SMU1: variants seen among roughly 807,000 people sequenced by gnomAD.
SMU1 encodes SMU1 DNA replication regulator and spliceosomal factor.
A neutral mutation model predicts 62.0 loss-of-function variants in SMU1; 2 were observed. The ratio of observed to expected loss-of-function variants is 0.03; its 90% CI spans 0.01 to 0.10. SMU1 has a LOEUF of 0.10. Ranked by LOEUF, SMU1 falls within the 10% of genes least tolerant of loss-of-function variation. SMU1 has a pLI of 1.00. For missense variants in SMU1, 227 were observed against 622.1 expected (o/e 0.36, Z 6.76); for synonymous variants, 188 against 212.4 (o/e 0.89, Z 1.00).
intron 1 of SMU1, 27 bp downstream of exon 1, chr9:33,076,556 C>T: frequency 6.2e-7 from 1 of 1,613,412 alleles, no homozygotes; most frequent in South Asian, 1.1e-5. Flanking sequence ...CCCGGCAAGG[C>T]GCGAACATCC....
At position 33,053,174 on chromosome 9, in the gene SMU1, A is replaced by G. The variant is rs1490332061; in HGVS notation, c.1239T>C (p.Phe413=). 2.5e-6 allele frequency: 4 copies of G among 1,612,270 alleles called. No individual in the cohort carries two copies. The highest frequency in any genetic ancestry group is 3.4e-6 in the Non-Finnish European group (4 of 1,180,018). ...CCGTGTTTGATCTGTTGCACACCAC[A>G]AAGTGCTCAGGGTTTTTAGGAAGTA... ...VILLPKNPEH[F]VVCNRSNTVV... is the part of the protein sequence containing the mutation. Residue 413 remains phenylalanine, a synonymous_variant, in exon 10 of 12, where the codon TTT becomes TTC. Transcript: ENST00000397149.
intron 1 of SMU1, 67 bp downstream of exon 1, chr9:33,076,516 C>T: frequency 2.5e-6 from 4 of 1,596,732 alleles, no homozygotes; most frequent in Non-Finnish European, 3.4e-6. Flanking sequence ...TCCCGAGTAC[C>T]CTCCGCCCCA....
At chr9:33,068,467 T>A (rs1421069319) in intron 4 of SMU1, among the ~76,000 whole-genome samples, 1 of 152,154 alleles carries the variant, frequency 6.6e-6, no homozygotes, top group African/African-American at 2.4e-5. Context: ...ACATAGTTTA[T>A]ACATAGGAAA....
At chr9:33,063,765 T>C (rs1251347366) in intron 4 of SMU1, among the ~76,000 whole-genome samples, 2 of 151,448 alleles carry the variant, frequency 1.3e-5, no homozygotes, top group African/African-American at 4.9e-5. Flanking sequence ...GATGGAAGAG[T>C]TTCATCCCAA....
At chr9:33,072,727 G>A (rs986173914) in intron 2 of SMU1, among the ~76,000 whole-genome samples, 2 of 151,658 alleles carry the variant, frequency 1.3e-5, no homozygotes, top group African/African-American at 4.8e-5. Flanking sequence ...TACTCGGGAG[G>A]CTGAGGCAGG....
At chr9:33,064,505 T>C (rs1839397367) in intron 4 of SMU1, among the ~76,000 whole-genome samples, 1 of 152,194 alleles carries the variant, frequency 6.6e-6, no homozygotes, top group South Asian at 2.1e-4. Context: ...CATCATATAC[T>C]AAATGTATTT....
chr9:33,066,665 G>A lies in SMU1; in HGVS notation c.501+2159C>T, dbSNP rs191612107. On this transcript the variant is annotated intron_variant, in intron 4 of 11. Coordinates refer to ENST00000397149, the MANE Select transcript of SMU1 (RefSeq NM_018225.3). The stretch of plus-strand genomic sequence containing the variant: ...TACTAAAAATACAAAAATTAGCTGG[G>A]CATGGTGGTGGGCACCTGTGGTCCC... 2.6e-5 allele frequency among the ~76,000 whole-genome samples: 4 copies of A among 152,188 alleles called. No individual in the cohort carries two copies. The East Asian group carries it at 7.7e-4, about 29-fold the overall frequency.
rs922703103 is a variant in SMU1, at chr9:33,042,230, T to G, written c.*5063A>C. On this transcript the variant is annotated 3_prime_UTR_variant, in exon 12 of 12. Transcript: ENST00000397149. ...CCTGAAGAGGCAGAAACTGATAGGT[T>G]TGTCTGTGTAGTTTTTCAGCTTGTA... 4 of 152,862 alleles carry G rather than the reference T, an allele frequency of 2.6e-5. No individual in the cohort carries two copies. Among genetic ancestry groups the G allele is most frequent in the African/African-American group, 9.7e-5 (4 of 41,450 alleles). The allele number at this position is 152,862 out of a possible 1,614,324, so 9.5% of individuals were successfully genotyped here.
intron 3 of SMU1, 126 bp downstream of exon 3, chr9:33,071,614 T>A: frequency 6.3e-6 from 6 of 950,910 alleles, no homozygotes; most frequent in Non-Finnish European, 9.1e-6. Flanking sequence ...CAGAGAAGCA[T>A]CATTCTCAAA....
chr9:33,046,470 GATA>G lies in SMU1; in HGVS notation c.*820_*822del, dbSNP rs1359004579. 6.6e-6 allele frequency: 1 copy of G among 151,614 alleles called. No individual in the cohort carries two copies. The highest frequency in any genetic ancestry group is 1.5e-5 in the Non-Finnish European group (1 of 67,982). 9.4% of individuals were successfully genotyped at this position (151,614 alleles called of 1,614,324 possible). A position where few individuals can be genotyped will look rare whatever the true frequency, so the allele number is the denominator to read the frequency against. On this transcript the variant is annotated 3_prime_UTR_variant, in exon 12 of 12. Transcript: ENST00000397149. Reference sequence around the variant, plus strand: ...ACTTCTGCTGTACTTGAGATTCAGGGATAATAATGTGACTCCTCCTCCCACATT... The same window carrying G: ...ACTTCTGCTGTACTTGAGATTCAGGGATAATGTGACTCCTCCTCCCACATT...
At chr9:33,056,092 A>T in intron 9 of SMU1, 21 bp downstream of exon 9, 1 of 1,591,144 alleles carries the variant, frequency 6.3e-7, no homozygotes, top group South Asian at 1.1e-5. Flanking sequence ...TCCCAAAATA[A>T]ACTGATAGCA....
rs1839513200 is a variant in SMU1, at chr9:33,073,823, C to T, written c.27-17G>A. ...CGGATCACACTGAAAGAAAACAAAT[C>T]GTTCAGCTCAGGGATTCTCACTCAC... On this transcript the variant is annotated splice_polypyrimidine_tract_variant and intron_variant, in intron 1 of 11. Coordinates refer to ENST00000397149, the MANE Select transcript of SMU1 (RefSeq NM_018225.3). 4 of 1,611,560 alleles carry T rather than the reference C, an allele frequency of 2.5e-6. No individual in the cohort carries two copies. The highest frequency in any genetic ancestry group is 1.1e-5 in the South Asian group (1 of 90,900).
At chr9:33,047,419 A>C in intron 11 of SMU1, 28 bp from the exon 12 acceptor site, 1 of 1,591,602 alleles carries the variant, frequency 6.3e-7, no homozygotes, top group Non-Finnish European at 8.6e-7. Flanking sequence ...CAGGGTTAGG[A>C]TGTACAGATC....
intron 4 of SMU1, 56 bp downstream of exon 4, chr9:33,068,768 G>C (rs958784695): frequency 6.3e-7 from 1 of 1,591,752 alleles, no homozygotes; most frequent in Non-Finnish European, 8.6e-7. Context: ...GCCTCCCAAA[G>C]TGCAAGGATG....
chr9:33,072,150 G>T (rs1266480760), intron 2 of SMU1, among the ~76,000 whole-genome samples: 1 of 151,992 alleles, frequency 6.6e-6, no homozygotes, highest in African/African-American at 2.4e-5. Flanking sequence ...CCTGGCCAAC[G>T]TGGTGAAACA....
rs573516773 is a variant in SMU1, at chr9:33,072,839, C to CA, written c.237+756dup. Among the ~76,000 whole-genome samples the CA allele has an allele frequency of 1.1e-3, 156 of 139,102 alleles. 2 individuals carry two copies. Among genetic ancestry groups the CA allele is most frequent in the South Asian group, 0.01 (47 of 4,482 alleles). The allele number at this position is 139,102 out of a possible 152,430, so 91.3% of individuals were successfully genotyped here. On this transcript the variant is annotated intron_variant, in intron 2 of 11. Transcript: ENST00000397149. ...GTGAGACTCTGTCTCAAAAAAAAAA[C>CA]AAAAAAAAAAACCCGTAAACAAAAA... is the stretch of plus-strand genomic sequence containing the variant.
At chr9:33,055,719 G>A (rs1839296618) in intron 9 of SMU1, among the ~76,000 whole-genome samples, 1 of 152,134 alleles carries the variant, frequency 6.6e-6, no homozygotes, top group African/African-American at 2.4e-5. Context: ...GTGCAGTGAG[G>A]CTGTGCAACA....
At chr9:33,073,884 C>A in intron 1 of SMU1, 78 bp from the exon 2 acceptor site, 7 of 1,278,554 alleles carry the variant, frequency 5.5e-6, no homozygotes, top group Non-Finnish European at 7.7e-6. Flanking sequence ...AGCTCCTACT[C>A]AATCATCTTC....
intron 4 of SMU1, among the ~76,000 whole-genome samples, chr9:33,065,564 A>C (rs1839410589): frequency 6.6e-6 from 1 of 152,194 alleles, no homozygotes; most frequent in Non-Finnish European, 1.5e-5. Context: ...AAACAGAGAA[A>C]ACCGAAACCT....
Sources: gnomAD v4.1 joint callset for allele counts (sites outside exome capture counted in the v4.1 genomes callset) on GRCh38, gnomAD v4.1.1 for gene constraint, MANE v1.5 for transcripts, NCBI Gene and HGNC (gene_info 2026-07-23, HGNC 2026-07-21) for gene names.